PDCD10: variants seen among roughly 807,000 people sequenced by gnomAD.
PDCD10 encodes programmed cell death 10.
Under a neutral mutation model 29.2 loss-of-function variants are expected in PDCD10, and 4 were observed. The observed-to-expected ratio is 0.14, with a 90% CI of 0.07 to 0.31. PDCD10 has a LOEUF of 0.31. Among genes scored for constraint, PDCD10 ranks in the 10% least tolerant of loss-of-function variants. The probability of loss-of-function intolerance (pLI) is 1.00; values close to 1 mark genes in which losing one functional copy is unlikely to be tolerated. For synonymous variants in PDCD10, 70 were observed against 82.2 expected, an observed-to-expected ratio of 0.85 and a Z score of 0.80; for missense variants, 183 against 257.9, an observed-to-expected ratio of 0.71 and a Z score of 1.99.
chr3:167,696,732 C>T (rs1178421431), intron 5 of PDCD10, among the ~76,000 whole-genome samples: 2 of 152,082 alleles, frequency 1.3e-5, no homozygotes, highest in Admixed American at 6.5e-5. Context: ...AAAACTGAAA[C>T]TCACCAAACA....
At chr3:167,731,697 G>A (rs1313137082) in intron 2 of PDCD10, among the ~76,000 whole-genome samples, 1 of 152,152 alleles carries the variant, frequency 6.6e-6, no homozygotes, top group East Asian at 1.9e-4. Flanking sequence ...CCCTGCTCAG[G>A]GAGCTTATAG....
chr3:167,690,902 C>G (rs1298709601), intron 6 of PDCD10, among the ~76,000 whole-genome samples: 3 of 152,172 alleles, frequency 2.0e-5, no homozygotes, highest in Non-Finnish European at 2.9e-5. Flanking sequence ...AACACAGATT[C>G]AAATCTAGGT....
In PDCD10 at chr3:167,706,508, T is replaced by C. The variant is rs114693766; in HGVS notation, c.97-1613A>G. ...ACAAACCTGATGTTTACTGAACTAC[T>C]ATAGGCAACTGTAACACTATGTATT... On this transcript the variant is annotated intron_variant, in intron 3 of 8. Transcript: ENST00000392750. 2.3e-3 allele frequency among the ~76,000 whole-genome samples: 344 copies of C among 152,246 alleles called. 2 individuals carry two copies. The highest frequency in any genetic ancestry group is 7.7e-3 in the African/African-American group (321 of 41,482).
intron 4 of PDCD10, among the ~76,000 whole-genome samples, chr3:167,698,442 G>A (rs1721029927): frequency 6.6e-6 from 1 of 152,084 alleles, no homozygotes. Context: ...AGGTTGAGAT[G>A]GGAGGACTGC....
At chr3:167,700,699 A>G (rs1465658274) in intron 4 of PDCD10, among the ~76,000 whole-genome samples, 1 of 152,204 alleles carries the variant, frequency 6.6e-6, no homozygotes, top group Non-Finnish European at 1.5e-5. Flanking sequence ...AAGCAAAAGG[A>G]AAGTCTAAAG....
chr3:167,689,008 A>G (rs1454196654), intron 6 of PDCD10, among the ~76,000 whole-genome samples: 1 of 152,112 alleles, frequency 6.6e-6, no homozygotes, highest in African/African-American at 2.4e-5. Context: ...TAGTAATTCC[A>G]TTTTCATTGA....
intron 2 of PDCD10, among the ~76,000 whole-genome samples, chr3:167,732,460 T>C (rs1371376402): frequency 6.6e-6 from 1 of 152,214 alleles, no homozygotes; most frequent in African/African-American, 2.4e-5. Flanking sequence ...AAACCACGTG[T>C]ACACATAACT....
At chr3:167,710,141 A>C (rs979375908) in intron 3 of PDCD10, among the ~76,000 whole-genome samples, 1 of 152,114 alleles carries the variant, frequency 6.6e-6, no homozygotes, top group Non-Finnish European at 1.5e-5. Flanking sequence ...TTTCAGGTGA[A>C]ACCCAGCAAA....
intron 5 of PDCD10, 125 bp from the exon 6 acceptor site, chr3:167,695,847 C>T: frequency 2.2e-6 from 2 of 913,302 alleles, no homozygotes; most frequent in African/African-American, 1.6e-5. Flanking sequence ...TTAGGAAAGA[C>T]AAGGTTGCAA....
intron 3 of PDCD10, among the ~76,000 whole-genome samples, chr3:167,717,083 T>C (rs919313411): frequency 6.6e-6 from 1 of 151,982 alleles, no homozygotes. Flanking sequence ...TTACAACACA[T>C]GCAATAAACT....
rs1242089355 is a variant in PDCD10 at position 167,683,978 on chromosome 3, G to A, written c.*330C>T. 1.6e-5 allele frequency: 4 copies of A among 243,940 alleles called. No individual in the cohort carries two copies. The highest frequency in any genetic ancestry group is 5.0e-5 in the Admixed American group (1 of 19,952). 15.1% of individuals were successfully genotyped at this position (243,940 alleles called of 1,614,324 possible). ...TAAATACATTATCTTGCAGCATATC[G>A]CTTTCAAGTTAAAATGTCAGAAACA... is the stretch of plus-strand genomic sequence containing the variant. On this transcript the variant is annotated 3_prime_UTR_variant, in exon 9 of 9. Coordinates refer to ENST00000392750, the MANE Select transcript of PDCD10 (RefSeq NM_007217.4).
In PDCD10 at chr3:167,690,299, T is replaced by C. The variant is rs143517567; in HGVS notation, c.396-2606A>G. Among the ~76,000 whole-genome samples the C allele has an allele frequency of 2.0e-4, 30 of 152,338 alleles. 1 individual carries two copies. The East Asian group carries it at 4.4e-3, about 23-fold the overall frequency. The stretch of plus-strand genomic sequence containing the variant: ...GAGTTTCTAATCATGCCACCCAAAT[T>C]TGCATGATACGCATTTATGCAAATG... On this transcript the variant is annotated intron_variant, in intron 6 of 8. Coordinates refer to ENST00000392750, the MANE Select transcript of PDCD10 (RefSeq NM_007217.4).
intron 4 of PDCD10, among the ~76,000 whole-genome samples, chr3:167,700,511 CA>C (rs1264162388): frequency 1.3e-5 from 2 of 151,404 alleles, no homozygotes; most frequent in East Asian, 3.9e-4. Context: ...ATTCATGAAA[CA>C]AAGCCATTGC....
Position 167,734,835 on chromosome 3 carries a change from A to C in PDCD10, c.-427T>G, listed in dbSNP as rs1725249066. The C allele has an allele frequency of 6.5e-6, 1 of 153,794 alleles. No individual in the cohort carries two copies. Among genetic ancestry groups the C allele is most frequent in the South Asian group, 2.1e-4 (1 of 4,824 alleles). 9.5% of individuals were successfully genotyped at this position (153,794 alleles called of 1,614,324 possible). On this transcript the variant is annotated 5_prime_UTR_variant, in exon 1 of 9. Transcript: ENST00000392750. ...AACTGAGGCACTGACTTCACTTCCCACCTTGCAGCCCTCTTCAACTCCCGG... is the reference window on the plus strand; with the variant it reads ...AACTGAGGCACTGACTTCACTTCCCCCCTTGCAGCCCTCTTCAACTCCCGG...
chr3:167,719,603 T>C (rs1292545448), intron 3 of PDCD10, among the ~76,000 whole-genome samples: 1 of 152,106 alleles, frequency 6.6e-6, no homozygotes, highest in African/African-American at 2.4e-5. Context: ...ACAATATAAT[T>C]AAGATCTTTG....
At chr3:167,687,729 T>C in intron 6 of PDCD10, 36 bp from the exon 7 acceptor site, 1 of 1,131,814 alleles carries the variant, frequency 8.8e-7, no homozygotes, top group Non-Finnish European at 1.3e-6. Flanking sequence ...CAGCTACATT[T>C]GAAAGAAATT....
chr3:167,703,661 A>G (rs1309681358), intron 4 of PDCD10, among the ~76,000 whole-genome samples: 2 of 152,188 alleles, frequency 1.3e-5, no homozygotes, highest in Non-Finnish European at 2.9e-5. Context: ...TTTGGGCACC[A>G]TAATATATAT....
chr3:167,711,583 A>G (rs1232248126), intron 3 of PDCD10, among the ~76,000 whole-genome samples: 2 of 152,214 alleles, frequency 1.3e-5, no homozygotes, highest in Non-Finnish European at 1.5e-5. Context: ...AGAAAAAGAG[A>G]TAAGGGTAGA....
chr3:167,696,068 C>T (rs574857620), intron 5 of PDCD10, among the ~76,000 whole-genome samples: 16 of 150,882 alleles, frequency 1.1e-4, no homozygotes, highest in Non-Finnish European at 1.5e-4. Flanking sequence ...CCCAAGGAAA[C>T]CTTAAATTAA....
Sources: gnomAD v4.1 joint callset for allele counts (sites outside exome capture counted in the v4.1 genomes callset) on GRCh38, gnomAD v4.1.1 for gene constraint, MANE v1.5 for transcripts, NCBI Gene and HGNC (gene_info 2026-07-23, HGNC 2026-07-21) for gene names.